Variants in DSC1 observed in about 807,000 individuals in gnomAD.
The protein encoded by DSC1 is desmocollin 1.
Under a neutral mutation model 98.8 loss-of-function variants are expected in DSC1, and 79 were observed. The ratio of observed to expected loss-of-function variants is 0.80; its 90% CI spans 0.67 to 0.96. The LOEUF is 0.96. Among genes scored for constraint, DSC1 ranks in the 50% least tolerant of loss-of-function variants. The pLI is 0.00. For missense variants in DSC1, 1,115 were observed against 1,075.9 expected (o/e 1.04, Z -0.51); for synonymous variants, 405 against 372.1 (o/e 1.09, Z -1.02).
intron 1 of DSC1, among the ~76,000 whole-genome samples, chr18:31,161,552 A>C (rs1319182333): frequency 6.6e-6 from 1 of 152,138 alleles, no homozygotes; most frequent in Admixed American, 6.5e-5. Flanking sequence ...ATCACTGACT[A>C]AGTGGCTTAG....
chr18:31,154,957 A>C, intron 4 of DSC1, 28 bp from the exon 5 acceptor site: 3 of 1,606,982 alleles, frequency 1.9e-6, no homozygotes, highest in Non-Finnish European at 2.5e-6. Flanking sequence ...GAATAGAACA[A>C]ATACGTCATG....
At position 31,148,605 on chromosome 18, in the gene DSC1, G is replaced by T; in HGVS notation, c.665C>A (p.Pro222Gln). 1 of 1,604,526 alleles carries T rather than the reference G, an allele frequency of 6.2e-7. No homozygotes were observed. The highest frequency in any genetic ancestry group is 1.1e-5 in the South Asian group (1 of 89,932). Reference sequence around the variant, plus strand: ...GATGATCAAAGGGAGTGGATATTCTGGTGCATAGCCATCTGCAGTTGTTGC... The same window carrying T: ...GATGATCAAAGGGAGTGGATATTCTTGTGCATAGCCATCTGCAGTTGTTGC... ...GYATTADGYA[P>Q]EYPLPLIIKI... Residue 222 changes from proline (P) to glutamine (Q), a missense_variant, in exon 6 of 16, where the codon CCA (proline) becomes CAA (glutamine). Transcript: ENST00000257198.
rs56408436 is a variant in DSC1, at chr18:31,147,153, A to ATTT, written c.772+1342_772+1344dup. Among the ~76,000 whole-genome samples the ATTT allele has an allele frequency of 4.2e-3, 637 of 150,524 alleles. 4 individuals are homozygous for ATTT. Among genetic ancestry groups the ATTT allele is most frequent in the African/African-American group, 0.014 (578 of 41,016 alleles). On this transcript the variant is annotated intron_variant, in intron 6 of 15. Coordinates refer to ENST00000257198, the MANE Select transcript of DSC1 (RefSeq NM_024421.2). ...CTGCACATAGCATCAAATCAGTTTAATTTTTTTTTTCATTTTGTTTGGAAG... is the reference window on the plus strand; with the variant it reads ...CTGCACATAGCATCAAATCAGTTTAATTTTTTTTTTTTTCATTTTGTTTGGAAG...
chr18:31,150,330 C>CATCATCATCAGCACCATCATCAT (rs1988957865), intron 5 of DSC1, among the ~76,000 whole-genome samples: 1 of 28,422 alleles, frequency 3.5e-5, no homozygotes, highest in Non-Finnish European at 6.6e-5. Flanking sequence ...ATCATCACCA[C>CATCATCATCAGCACCATCATCAT]CACCACTACC....
intron 2 of DSC1, among the ~76,000 whole-genome samples, chr18:31,157,944 C>T (rs1989133642): frequency 1.3e-5 from 2 of 152,094 alleles, no homozygotes; most frequent in South Asian, 4.1e-4. Context: ...AGGTTTTGAA[C>T]TTTTTGCAGT....
rs778460712 is a variant in DSC1 at position 31,133,960 on chromosome 18, C to T, written c.2047G>A (p.Val683Ile). Residue 683 changes from valine (V) to isoleucine (I), a missense_variant, in exon 13 of 16, where the codon GTT becomes ATT. Transcript: ENST00000257198. ...CTTCCAAGTATTACATTTGGTCTAA[C>T]GTCTCTTGTACTTTTATCCTTCATT... ...CRMKDKSTRD[V>I]RPNVILGRWA... The T allele has an allele frequency of 8.7e-6, 14 of 1,613,348 alleles. No individual in the cohort carries two copies. The East Asian group carries it at 2.0e-4, about 23-fold the overall frequency.
chr18:31,154,872 C>A lies in DSC1; in HGVS notation c.529G>T (p.Val177Leu). ...AACAAATTGAAGGGTTCTTTGTCCA[C>A]GCCTGGCCCACTTATGGAATAAAAG... is the stretch of plus-strand genomic sequence containing the variant. Reference protein sequence around the residue: ...TIFYSISGPGVDKEPFNLFYI... With the variant: ...TIFYSISGPGLDKEPFNLFYI... The change falls in exon 5 of 16, where the codon GTG (valine) becomes TTG (leucine). Residue 177 changes from valine to leucine, a missense_variant. Transcript: ENST00000257198. 6.2e-7 allele frequency: 1 copy of A among 1,614,028 alleles called. No individual in the cohort carries two copies. The highest frequency in any genetic ancestry group is 8.5e-7 in the Non-Finnish European group (1 of 1,179,992).
intron 2 of DSC1, among the ~76,000 whole-genome samples, chr18:31,158,034 C>T (rs1306734816): frequency 1.3e-5 from 2 of 152,010 alleles, no homozygotes; most frequent in Non-Finnish European, 2.9e-5. Flanking sequence ...TTTGGGAGGC[C>T]GAGGTGGGAG....
chr18:31,152,763 T>C (rs17713972), intron 5 of DSC1, among the ~76,000 whole-genome samples: 3,935 of 152,100 alleles, frequency 0.026, 58 homozygotes, highest in Non-Finnish European at 0.043. Context: ...CCCAGAAACA[T>C]ACATTATTCA....
At chr18:31,153,532 A>C (rs1323117615) in intron 5 of DSC1, among the ~76,000 whole-genome samples, 4 of 152,186 alleles carry the variant, frequency 2.6e-5, no homozygotes, top group Non-Finnish European at 4.4e-5. Context: ...ATGCCACTAC[A>C]ATCCCACCAT....
At chr18:31,155,952 C>T in intron 4 of DSC1, 91 bp downstream of exon 4, 1 of 1,380,288 alleles carries the variant, frequency 7.2e-7, no homozygotes, top group Non-Finnish European at 9.9e-7. Flanking sequence ...TTAGTTTAAA[C>T]CTCTGATTCA....
rs1223125244 is a variant in DSC1, at chr18:31,162,784, C to T, written c.-190G>A. The T allele has an allele frequency of 1.7e-6, 1 of 576,084 alleles. No individual in the cohort carries two copies. Among genetic ancestry groups the T allele is most frequent in the African/African-American group, 1.9e-5 (1 of 52,998 alleles). The allele number at this position is 576,084 out of a possible 1,614,324, so 35.7% of individuals were successfully genotyped here. A position where few individuals can be genotyped will look rare whatever the true frequency, so the allele number is the denominator to read the frequency against. On this transcript the variant is annotated 5_prime_UTR_variant, in exon 1 of 16. Transcript: ENST00000257198. ...GGAGGAGCAACGGGAGAATTTCTTT[C>T]CCCCTATTCCCTGGCCAGTCTCCTT... is the stretch of plus-strand genomic sequence containing the variant.
In DSC1 at chr18:31,131,645, GC is replaced by G. The variant is rs764697761; in HGVS notation, c.2435del (p.Gly812AlafsTer51). On this transcript the variant is annotated frameshift_variant, in exon 15 of 16. Transcript: ENST00000257198. LOFTEE classifies it high-confidence loss of function. ...SVKGVGQGDT[G>X]RYAYTDWQSF... ...TCTGCCAGTCCGTGTACGCATATCT[GC>G]CAGTATCTCCCTGCCCCACTCCCTT... 1.9e-5 allele frequency: 30 copies of G among 1,614,042 alleles called. No homozygotes were observed. Among genetic ancestry groups the G allele is most frequent in the Non-Finnish European group, 2.5e-5 (30 of 1,179,982 alleles).
At chr18:31,130,896 A>G (rs1988473991) in intron 15 of DSC1, 185 bp from the exon 16 acceptor site, 2 of 1,471,992 alleles carry the variant, frequency 1.4e-6, no homozygotes, top group African/African-American at 2.8e-5. Context: ...AAAATATAGC[A>G]AATAAATAAA....
chr18:31,145,666 G>C lies in DSC1; in HGVS notation c.884C>G (p.Ser295Cys), dbSNP rs778736129. 3.1e-6 allele frequency: 5 copies of C among 1,614,178 alleles called. No individual in the cohort carries two copies. Among genetic ancestry groups the C allele is most frequent in the East Asian group, 2.2e-5 (1 of 44,874 alleles). ...QQIPDHPKHFSIHPDTGVITT... is the reference protein window; with the variant it reads ...QQIPDHPKHFCIHPDTGVITT... ...GATGACACCGGTATCTGGGTGTATG[G>C]AGAAATGCTTTGGATGATCTGGGAT... Residue 295 changes from serine to cysteine, a missense_variant, in exon 7 of 16, where the codon TCC becomes TGC. By Grantham distance (112) the Ser-to-Cys change is moderately radical. Coordinates refer to ENST00000257198, the MANE Select transcript of DSC1 (RefSeq NM_024421.2).
intron 11 of DSC1, 43 bp downstream of exon 11, chr18:31,139,705 C>T: frequency 6.7e-7 from 1 of 1,493,788 alleles, no homozygotes; most frequent in Non-Finnish European, 9.0e-7. Flanking sequence ...TCCTTAAAAA[C>T]ATGTCATATA....
intron 11 of DSC1, among the ~76,000 whole-genome samples, chr18:31,137,002 C>T (rs1323144021): frequency 2.0e-5 from 3 of 152,044 alleles, no homozygotes; most frequent in African/African-American, 7.3e-5. Context: ...GAGTAAGAAA[C>T]ACCAATCACA....
chr18:31,160,195 T>C (rs1989183648), intron 1 of DSC1, among the ~76,000 whole-genome samples: 1 of 152,160 alleles, frequency 6.6e-6, no homozygotes, highest in African/African-American at 2.4e-5. Flanking sequence ...AAAACCTAGG[T>C]AGTTCAAAGA....
intron 5 of DSC1, among the ~76,000 whole-genome samples, chr18:31,150,037 TCATCATCAC>T (rs1988929242): frequency 1.1e-5 from 1 of 93,078 alleles, no homozygotes; most frequent in African/African-American, 4.2e-5. Context: ...CCACTTACCA[TCATCATCAC>T]CACCACCACC....
Sources: allele counts gnomAD v4.1 joint callset (sites outside exome capture counted in the v4.1 genomes callset), GRCh38; gene constraint gnomAD v4.1.1; transcripts MANE v1.5; gene names NCBI Gene and HGNC (gene_info 2026-07-23, HGNC 2026-07-21).